SWT1: variants seen among roughly 807,000 people sequenced by gnomAD.
The protein encoded by SWT1 is SWT1 RNA endoribonuclease homolog.
A neutral mutation model predicts 107.3 loss-of-function variants in SWT1; 33 were observed. The ratio of observed to expected loss-of-function variants is 0.31; its 90% CI spans 0.23 to 0.41. The LOEUF is 0.41. Ranked by LOEUF, SWT1 falls within the 10% of genes least tolerant of loss-of-function variation. SWT1 has a pLI of 1.00. For missense variants in SWT1, 898 were observed against 1,028.9 expected (o/e 0.87, Z 1.74); for synonymous variants, 345 against 348.3 (o/e 0.99, Z 0.11).
At chr1:185,191,404 ACAT>A (rs749789073) in intron 10 of SWT1, among the ~76,000 whole-genome samples, 12 of 152,176 alleles carry the variant, frequency 7.9e-5, no homozygotes, top group Non-Finnish European at 1.6e-4. Flanking sequence ...TAATCAGTCT[ACAT>A]CATGCTTTGA....
At chr1:185,192,395 C>A (rs760049749) in intron 10 of SWT1, among the ~76,000 whole-genome samples, 1 of 152,098 alleles carries the variant, frequency 6.6e-6, no homozygotes, top group African/African-American at 2.4e-5. Flanking sequence ...AATTTTGATA[C>A]CTGCCTTTTC....
At position 185,221,982 on chromosome 1, in the gene SWT1, A is replaced by G; in HGVS notation, c.2255A>G (p.His752Arg). ...TCTCATCTTCCCCAACCCAGCAGGC[A>G]TCAAGAAATCTGGTCTATCCTAGAG... ...SSSHLPQPSRHQEIWSILESV... is the reference protein window; with the variant it reads ...SSSHLPQPSRRQEIWSILESV... The change falls in exon 15 of 19, where the codon CAT becomes CGT. Residue 752 changes from histidine (H) to arginine (R), a missense_variant. Physicochemically the swap from His to Arg is conservative, Grantham distance 29. This residue lies in a region of SWT1 where 382 missense variants were observed against 460.0 expected (regional missense o/e 0.83). Transcript: ENST00000367500. The G allele has an allele frequency of 6.2e-7, 1 of 1,612,300 alleles. No homozygotes were observed. The highest frequency in any genetic ancestry group is 8.5e-7 in the Non-Finnish European group (1 of 1,179,330).
At chr1:185,238,521 G>T (rs1280001331) in intron 16 of SWT1, among the ~76,000 whole-genome samples, 1 of 152,146 alleles carries the variant, frequency 6.6e-6, no homozygotes, top group Non-Finnish European at 1.5e-5. Flanking sequence ...GTAGAGCAAG[G>T]AAGTTGTATT....
intron 16 of SWT1, among the ~76,000 whole-genome samples, chr1:185,246,765 G>C (rs1046697689): frequency 6.6e-6 from 1 of 151,066 alleles, no homozygotes; most frequent in Non-Finnish European, 1.5e-5. Flanking sequence ...GAGTAGGAAG[G>C]ACTACAGGCG....
At chr1:185,276,920 G>A (rs1021356963) in intron 18 of SWT1, among the ~76,000 whole-genome samples, 4 of 151,966 alleles carry the variant, frequency 2.6e-5, no homozygotes, top group African/African-American at 9.7e-5. Context: ...TAAAATTATC[G>A]AAGATCCCAA....
At chr1:185,251,846 A>T (rs1347223338) in intron 16 of SWT1, among the ~76,000 whole-genome samples, 1 of 151,846 alleles carries the variant, frequency 6.6e-6, no homozygotes, top group Non-Finnish European at 1.5e-5. Flanking sequence ...CACATTGTGC[A>T]GGTTAGTTAC....
intron 13 of SWT1, among the ~76,000 whole-genome samples, chr1:185,214,254 A>C (rs1659048301): frequency 6.6e-6 from 1 of 151,992 alleles, no homozygotes; most frequent in African/African-American, 2.4e-5. Context: ...CTTTACTTTT[A>C]CTTTGAAGTT....
chr1:185,249,429 C>T (rs376424783), intron 16 of SWT1, among the ~76,000 whole-genome samples: 1 of 152,114 alleles, frequency 6.6e-6, no homozygotes, highest in Admixed American at 6.5e-5. Flanking sequence ...CTGGTCACAG[C>T]AGTTTACATC....
intron 16 of SWT1, among the ~76,000 whole-genome samples, chr1:185,268,754 G>A (rs1571669996): frequency 6.6e-6 from 1 of 151,498 alleles, no homozygotes; most frequent in Non-Finnish European, 1.5e-5. Flanking sequence ...TGATTTTCTC[G>A]CCCTCTTTTA....
intron 10 of SWT1, among the ~76,000 whole-genome samples, chr1:185,200,276 G>A (rs1657763362): frequency 6.6e-6 from 1 of 152,016 alleles, no homozygotes; most frequent in Non-Finnish European, 1.5e-5. Context: ...TCTGTGTCTA[G>A]TTTTTTTCTC....
At chr1:185,286,606 T>A (rs1324165836) in intron 18 of SWT1, among the ~76,000 whole-genome samples, 1 of 152,152 alleles carries the variant, frequency 6.6e-6, no homozygotes, top group African/African-American at 2.4e-5. Flanking sequence ...TGGAATTATT[T>A]CCTTTTCTGC....
chr1:185,192,733 T>C (rs915120297), intron 10 of SWT1, among the ~76,000 whole-genome samples: 3 of 151,486 alleles, frequency 2.0e-5, no homozygotes, highest in Admixed American at 2.0e-4. Flanking sequence ...CTGCAGTCTC[T>C]GCCTCTTGGG....
At chr1:185,257,249 G>T (rs923174005) in intron 16 of SWT1, among the ~76,000 whole-genome samples, 1 of 152,028 alleles carries the variant, frequency 6.6e-6, no homozygotes, top group African/African-American at 2.4e-5. Context: ...TCTGTGCCCT[G>T]CCCCCAGAGG....
Position 185,271,406 on chromosome 1 carries a change from A to T in SWT1, c.2508+17A>T, listed in dbSNP as rs752866110. On this transcript the variant is annotated intron_variant, in intron 17 of 18. Coordinates refer to ENST00000367500, the MANE Select transcript of SWT1 (RefSeq NM_017673.7). ...AAGTATGAGGTATGGGAAATATTTT[A>T]AAATATTTATCACATTTCTACTTTA... 3 of 1,268,992 alleles carry T rather than the reference A, an allele frequency of 2.4e-6. No individual in the cohort carries two copies. In the Admixed American group the frequency reaches 5.4e-5, roughly 23 times the overall value. 78.6% of individuals were successfully genotyped at this position (1,268,992 alleles called of 1,614,324 possible).
At chr1:185,177,114 C>A in intron 5 of SWT1, 2 of 861,922 alleles carry the variant, frequency 2.3e-6, no homozygotes, top group Non-Finnish European at 2.8e-6. Flanking sequence ...CTGGAAGGGG[C>A]CCAAAGAGGG....
intron 1 of SWT1, among the ~76,000 whole-genome samples, chr1:185,160,447 A>T (rs1326919125): frequency 6.6e-6 from 1 of 152,130 alleles, no homozygotes; most frequent in East Asian, 1.9e-4. Flanking sequence ...GGTCACTCAC[A>T]CCTGTAATCC....
At chr1:185,176,847 G>A (rs1655603973) in intron 5 of SWT1, 2 of 384,298 alleles carry the variant, frequency 5.2e-6, no homozygotes, top group Non-Finnish European at 7.1e-6. Context: ...AGCTGGGCAT[G>A]GTGGCAGGCA....
intron 18 of SWT1, among the ~76,000 whole-genome samples, chr1:185,283,224 G>T (rs1381891237): frequency 1.3e-5 from 2 of 152,154 alleles, no homozygotes; most frequent in African/African-American, 4.8e-5. Flanking sequence ...GATGAAAAGT[G>T]AATTCCATAA....
intron 16 of SWT1, among the ~76,000 whole-genome samples, chr1:185,267,603 T>G (rs1175934076): frequency 6.6e-6 from 1 of 152,248 alleles, no homozygotes; most frequent in Non-Finnish European, 1.5e-5. Context: ...GGACCATGTC[T>G]TATTTTTTTA....
Sources: allele counts gnomAD v4.1 joint callset (sites outside exome capture counted in the v4.1 genomes callset), GRCh38; gene constraint gnomAD v4.1.1; regional missense constraint gnomAD v4.1.1; transcripts MANE v1.5; gene names NCBI Gene and HGNC (gene_info 2026-07-23, HGNC 2026-07-21).